The following NCMAP variants were observed in gnomAD, a reference collection of about 807,000 sequenced individuals.
NCMAP encodes noncompact myelin-associated protein.
A neutral mutation model predicts 7.8 loss-of-function variants in NCMAP; 8 were observed. The observed-to-expected ratio is 1.02, with a 90% CI of 0.60 to 1.84. The LOEUF (loss-of-function observed/expected upper bound fraction) is 1.84, where lower values mean the gene tolerates loss of function less well. Ranked by LOEUF, NCMAP falls within the 40% of genes most tolerant of loss-of-function variation. The pLI is 0.00. For synonymous variants in NCMAP, 41 were observed against 52.9 expected (o/e 0.78, Z 0.98); for missense variants, 112 against 131.4 (o/e 0.85, Z 0.72).
intron 1 of NCMAP, among the ~76,000 whole-genome samples, chr1:24,573,617 A>G (rs868374510): frequency 1.5e-4 from 22 of 149,876 alleles, no homozygotes; most frequent in Admixed American, 1.3e-3. Flanking sequence ...AAACAAAAAC[A>G]AAAACAAAAA....
At chr1:24,596,770 G>T (rs1487481734) in intron 2 of NCMAP, among the ~76,000 whole-genome samples, 1 of 152,230 alleles carries the variant, frequency 6.6e-6, no homozygotes, top group African/African-American at 2.4e-5. Flanking sequence ...ACTGATGAAA[G>T]AGTAAATGAA....
In NCMAP at chr1:24,570,464, C is replaced by T. The variant is rs1027086852; in HGVS notation, c.-8+14295C>T. Among the ~76,000 whole-genome samples the T allele has an allele frequency of 6.6e-5, 10 of 150,772 alleles. 2 individuals are homozygous for T. The highest frequency in any genetic ancestry group is 2.5e-4 in the African/African-American group (10 of 40,100). ...GAGCCGTGATTGTGCCACTGCACTC[C>T]AGCCTGGGCAACAGAGCAAGATCTC... On this transcript the variant is annotated intron_variant, in intron 1 of 3. Transcript: ENST00000374392.
chr1:24,597,498 T>A (rs930744037), intron 2 of NCMAP, among the ~76,000 whole-genome samples: 3 of 90,154 alleles, frequency 3.3e-5, no homozygotes, highest in Admixed American at 1.9e-4. Flanking sequence ...AGAGAGACTG[T>A]CAAAAAAAGA....
intron 1 of NCMAP, among the ~76,000 whole-genome samples, chr1:24,581,920 C>T (rs892092819): frequency 1.2e-4 from 18 of 152,248 alleles, no homozygotes; most frequent in Middle Eastern, 3.4e-3. Context: ...TGGGCTGGAC[C>T]GGTCCTTCAG....
At chr1:24,562,198 C>G (rs1651074246) in intron 1 of NCMAP, among the ~76,000 whole-genome samples, 1 of 152,200 alleles carries the variant, frequency 6.6e-6, no homozygotes, top group Admixed American at 6.5e-5. Flanking sequence ...AAGTTCCTAC[C>G]TAATTCCCAG....
intron 1 of NCMAP, among the ~76,000 whole-genome samples, chr1:24,562,046 T>A (rs1346968914): frequency 6.6e-6 from 1 of 152,234 alleles, no homozygotes; most frequent in Non-Finnish European, 1.5e-5. Context: ...TTCTTTGCCT[T>A]GCTGCTTTTT....
chr1:24,567,658 C>G (rs981082125), intron 1 of NCMAP, among the ~76,000 whole-genome samples: 4 of 152,162 alleles, frequency 2.6e-5, no homozygotes, highest in African/African-American at 7.2e-5. Context: ...GGCATGGAGG[C>G]TAAGTTGTGA....
chr1:24,584,870 C>T (rs1342428378), intron 1 of NCMAP, among the ~76,000 whole-genome samples: 1 of 150,684 alleles, frequency 6.6e-6, no homozygotes, highest in African/African-American at 2.4e-5. Context: ...GCCCTCTTTG[C>T]GTCTTCTCAG....
At chr1:24,571,785 C>T (rs1173024829) in intron 1 of NCMAP, among the ~76,000 whole-genome samples, 1 of 150,270 alleles carries the variant, frequency 6.7e-6, no homozygotes, top group Non-Finnish European at 1.5e-5. Flanking sequence ...ACGGCTTCAC[C>T]ATATTGGCCA....
At chr1:24,574,701 C>T (rs1651494005) in intron 1 of NCMAP, among the ~76,000 whole-genome samples, 1 of 151,992 alleles carries the variant, frequency 6.6e-6, no homozygotes, top group Admixed American at 6.6e-5. Context: ...GCCCAGTAGA[C>T]ACTGGAGACG....
chr1:24,583,717 GAAAA>G (rs71032830), intron 1 of NCMAP, among the ~76,000 whole-genome samples: 6 of 104,046 alleles, frequency 5.8e-5, no homozygotes, highest in East Asian at 3.2e-4. Context: ...CTCCGTCTCA[GAAAA>G]AAAAAAAAAA....
At chr1:24,567,626 C>A (rs1651265194) in intron 1 of NCMAP, among the ~76,000 whole-genome samples, 1 of 152,162 alleles carries the variant, frequency 6.6e-6, no homozygotes, top group African/African-American at 2.4e-5. Context: ...GTCGCAAAGC[C>A]TCCTTTACAG....
At chr1:24,567,332 A>G (rs747733903) in intron 1 of NCMAP, among the ~76,000 whole-genome samples, 1 of 152,196 alleles carries the variant, frequency 6.6e-6, no homozygotes, top group Non-Finnish European at 1.5e-5. Context: ...GATAAGTGCT[A>G]TAACTAAGGT....
intron 1 of NCMAP, among the ~76,000 whole-genome samples, chr1:24,568,166 T>C (rs1651283858): frequency 6.6e-6 from 1 of 151,960 alleles, no homozygotes; most frequent in African/African-American, 2.4e-5. Context: ...TGGTATTTGC[T>C]CAGAACCTGA....
chr1:24,571,799 T>C (rs1651397339), intron 1 of NCMAP, among the ~76,000 whole-genome samples: 1 of 150,438 alleles, frequency 6.6e-6, no homozygotes, highest in Admixed American at 6.6e-5. Flanking sequence ...TTGGCCAGGC[T>C]GGTCACAAAC....
chr1:24,582,121 C>T (rs1484801195), intron 1 of NCMAP, among the ~76,000 whole-genome samples: 2 of 152,162 alleles, frequency 1.3e-5, no homozygotes, highest in Non-Finnish European at 2.9e-5. Flanking sequence ...TCTCACAGCC[C>T]TTCTCATGCG....
At chr1:24,587,135 A>G (rs1651903679) in intron 1 of NCMAP, among the ~76,000 whole-genome samples, 2 of 152,200 alleles carry the variant, frequency 1.3e-5, no homozygotes, top group Admixed American at 1.3e-4. Flanking sequence ...GAAAACTGTC[A>G]TTCTGAACAT....
At chr1:24,597,652 A>AGAAAGAAAGG (rs1652295972) in intron 2 of NCMAP, among the ~76,000 whole-genome samples, 1 of 137,410 alleles carries the variant, frequency 7.3e-6, no homozygotes, top group African/African-American at 2.8e-5. Context: ...AGAAAGAAAG[A>AGAAAGAAAGG]AAGAAAGAAA....
Position 24,573,203 on chromosome 1 carries a change from G to A in NCMAP, c.-8+17034G>A, listed in dbSNP as rs182046277. On this transcript the variant is annotated intron_variant, in intron 1 of 3. Coordinates refer to ENST00000374392, the MANE Select transcript of NCMAP (RefSeq NM_001010980.5). Reference sequence around the variant, plus strand: ...CCTTCAGGGACAGGACTCATATCACGTTGAAACCAGGTGGTTCGGCTCAAA... The same window carrying A: ...CCTTCAGGGACAGGACTCATATCACATTGAAACCAGGTGGTTCGGCTCAAA... Among the ~76,000 whole-genome samples, 38 of 150,858 alleles carry A rather than the reference G, an allele frequency of 2.5e-4. 3 individuals are homozygous for A. Among genetic ancestry groups the A allele is most frequent in the African/African-American group, 4.0e-4 (16 of 40,164 alleles).
Sources: gnomAD v4.1 joint callset for allele counts (sites outside exome capture counted in the v4.1 genomes callset) on GRCh38, gnomAD v4.1.1 for gene constraint, MANE v1.5 for transcripts, NCBI Gene and HGNC (gene_info 2026-07-23, HGNC 2026-07-21) for gene names.